The following FUNDC1 variants were observed in gnomAD, a reference collection of about 807,000 sequenced individuals.
FUNDC1 encodes FUN14 domain-containing protein 1.
A neutral mutation model predicts 14.5 loss-of-function variants in FUNDC1; 10 were observed. The observed-to-expected ratio is 0.69, with a 90% CI of 0.43 to 1.17. The LOEUF (loss-of-function observed/expected upper bound fraction) is 1.17, where lower values mean the gene tolerates loss of function less well. Among genes scored for constraint, FUNDC1 ranks in the 50% most tolerant of loss-of-function variants. The pLI, the probability that FUNDC1 is intolerant of heterozygous loss-of-function variation, is 0.00. For synonymous variants in FUNDC1, 33 were observed against 39.7 expected (o/e 0.83, Z 0.64); for missense variants, 115 against 113.8 (o/e 1.01, Z -0.05).
chrX:44,533,627 C>CAAAAAAAA (rs1156843539), intron 3 of FUNDC1, among the ~76,000 whole-genome samples: 15 of 18,442 alleles, frequency 8.1e-4, no homozygotes, highest in South Asian at 3.4e-3. Context: ...GACTCCGTCT[C>CAAAAAAAA]AAAAAAAAAA....
chrX:44,524,895 C>T (rs746082865), intron 4 of FUNDC1, among the ~76,000 whole-genome samples: 104 of 111,180 alleles, frequency 9.4e-4, no homozygotes, highest in African/African-American at 3.3e-3. Context: ...ATGAATGGCC[C>T]ATCATCAAGT....
At chrX:44,531,781 C>T (rs2038926812) in intron 3 of FUNDC1, among the ~76,000 whole-genome samples, 1 of 108,456 alleles carries the variant, frequency 9.2e-6, no homozygotes, top group Admixed American at 1.0e-4. Flanking sequence ...CACACACACA[C>T]ACACACACAC....
intron 3 of FUNDC1, among the ~76,000 whole-genome samples, chrX:44,536,249 G>A (rs1354453416): frequency 9.4e-6 from 1 of 106,671 alleles, no homozygotes; most frequent in Non-Finnish European, 1.9e-5. Flanking sequence ...AATCCGGGAG[G>A]TGGAAGTTGC....
intron 4 of FUNDC1, 112 bp downstream of exon 4, chrX:44,527,125 A>T: frequency 1.9e-6 from 1 of 522,626 alleles, no homozygotes; most frequent in Non-Finnish European, 2.9e-6. Context: ...AACCAAAAAC[A>T]CCATTTTTAA....
chrX:44,539,296 G>C (rs1249322696), intron 2 of FUNDC1, among the ~76,000 whole-genome samples: 1 of 111,832 alleles, frequency 8.9e-6, no homozygotes, highest in Non-Finnish European at 1.9e-5. Context: ...CTTCTGCACT[G>C]GGTTGAATGG....
intron 3 of FUNDC1, among the ~76,000 whole-genome samples, chrX:44,535,942 T>C (rs112824327): frequency 0.13 from 13,765 of 102,562 alleles, 1,707 homozygotes; most frequent in African/African-American, 0.37. Flanking sequence ...GCCGAGATTG[T>C]GCCATTGCAC....
chrX:44,539,825 C>T (rs977762427), intron 2 of FUNDC1, among the ~76,000 whole-genome samples: 1 of 110,318 alleles, frequency 9.1e-6, no homozygotes, highest in Admixed American at 9.8e-5. Flanking sequence ...CGCCACCACA[C>T]CCAGCTAATT....
intron 2 of FUNDC1, among the ~76,000 whole-genome samples, chrX:44,541,284 T>G (rs113016487): frequency 0.025 from 2,833 of 112,155 alleles, 88 homozygotes; most frequent in African/African-American, 0.086. Context: ...CAGAATTAGA[T>G]CCACAGTAGC....
At chrX:44,526,761 A>G (rs2038904006) in intron 4 of FUNDC1, among the ~76,000 whole-genome samples, 2 of 111,178 alleles carry the variant, frequency 1.8e-5, no homozygotes, top group African/African-American at 6.5e-5. Flanking sequence ...AGGTAAAAGG[A>G]TAAAACAAAA....
chrX:44,539,775 T>C (rs1486457202), intron 2 of FUNDC1, among the ~76,000 whole-genome samples: 1 of 111,321 alleles, frequency 9.0e-6, no homozygotes, highest in East Asian at 2.8e-4. Flanking sequence ...CAAGCAATTC[T>C]CCTGCCTCAG....
chrX:44,526,692 T>C (rs2147470884), intron 4 of FUNDC1, among the ~76,000 whole-genome samples: 1 of 110,877 alleles, frequency 9.0e-6, no homozygotes, highest in East Asian at 2.9e-4. Flanking sequence ...AGATATTCAC[T>C]ATATTTGTCT....
chrX:44,533,501 G>A (rs1388749737), intron 3 of FUNDC1, among the ~76,000 whole-genome samples: 8 of 107,885 alleles, frequency 7.4e-5, no homozygotes, highest in Non-Finnish European at 1.5e-4. Context: ...GGTGGCAGGC[G>A]CCTGTAGTCC....
At chrX:44,526,488 G>GC (rs1555921863) in intron 4 of FUNDC1, among the ~76,000 whole-genome samples, 2 of 58,470 alleles carry the variant, frequency 3.4e-5, no homozygotes, top group Non-Finnish European at 8.8e-5. Flanking sequence ...AAATAAAAAA[G>GC]GGGGGGGGGC....
chrX:44,531,316 AC>A (rs1434694356), intron 3 of FUNDC1, among the ~76,000 whole-genome samples: 135 of 6,947 alleles, frequency 0.019, 12 homozygotes, highest in African/African-American at 0.03. Context: ...TGTTGGCCAG[AC>A]ACACACACAC....
At chrX:44,538,067 C>T (rs906257152) in intron 3 of FUNDC1, among the ~76,000 whole-genome samples, 17 of 112,336 alleles carry the variant, frequency 1.5e-4, no homozygotes, top group African/African-American at 4.8e-4. Context: ...CTGCAACCTC[C>T]GCTTCCTGGG....
chrX:44,535,145 A>AAAAC (rs757896901), intron 3 of FUNDC1, among the ~76,000 whole-genome samples: 8 of 110,758 alleles, frequency 7.2e-5, no homozygotes, highest in Non-Finnish European at 1.1e-4. Context: ...ACTGTCTCAA[A>AAAAC]AAACAAACAA....
At chrX:44,529,207 G>C (rs2038913475) in intron 3 of FUNDC1, among the ~76,000 whole-genome samples, 1 of 110,927 alleles carries the variant, frequency 9.0e-6, no homozygotes, top group Non-Finnish European at 1.9e-5. Flanking sequence ...CCCAGCAAAT[G>C]AATAAAGGAA....
intron 2 of FUNDC1, among the ~76,000 whole-genome samples, chrX:44,539,722 A>C (rs771642718): frequency 9.0e-6 from 1 of 111,543 alleles, no homozygotes; most frequent in African/African-American, 3.3e-5. Flanking sequence ...GTTGGAATGC[A>C]CTGGTGCCAT....
chrX:44,541,626 C>T (rs1307091305), intron 2 of FUNDC1, among the ~76,000 whole-genome samples: 2 of 111,369 alleles, frequency 1.8e-5, no homozygotes, highest in Non-Finnish European at 3.8e-5. Flanking sequence ...ATAATTAACT[C>T]ATATATTTCT....
Sources: gnomAD v4.1 joint callset for allele counts (sites outside exome capture counted in the v4.1 genomes callset) on GRCh38, gnomAD v4.1.1 for gene constraint, MANE v1.5 for transcripts, NCBI Gene and HGNC (gene_info 2026-07-23, HGNC 2026-07-21) for gene names.